Variants in TES observed in about 807,000 individuals in gnomAD.
The protein encoded by TES is testin.
In TES, 41 loss-of-function variants were observed where a neutral mutation model predicts 48.2. The ratio of observed to expected loss-of-function variants is 0.85; its 90% CI spans 0.66 to 1.10. The LOEUF (loss-of-function observed/expected upper bound fraction) is 1.10. Ranked by LOEUF, TES falls within the 50% of genes least tolerant of loss-of-function variation. TES has a pLI of 0.00. For missense variants in TES, 463 were observed against 515.1 expected (o/e 0.90, Z 0.98); for synonymous variants, 162 against 174.9 (o/e 0.93, Z 0.58).
At chr7:116,256,011 C>T (rs1195217465) in intron 6 of TES, among the ~76,000 whole-genome samples, 1 of 152,092 alleles carries the variant, frequency 6.6e-6, no homozygotes, top group Non-Finnish European at 1.5e-5. Context: ...TGCAGCTGCA[C>T]ATTAGAAATG....
At chr7:116,246,692 T>C (rs1192965718) in intron 2 of TES, among the ~76,000 whole-genome samples, 2 of 152,154 alleles carry the variant, frequency 1.3e-5, no homozygotes, top group African/African-American at 2.4e-5. Context: ...TTCTTTCCTT[T>C]TCTCCTCCCC....
intron 1 of TES, among the ~76,000 whole-genome samples, chr7:116,221,843 A>G (rs1563005743): frequency 6.6e-6 from 1 of 152,180 alleles, no homozygotes; most frequent in East Asian, 1.9e-4. Context: ...CTGCAATTTT[A>G]TCTTAGTTGT....
At position 116,257,371 on chromosome 7, in the gene TES, C is replaced by A. The variant is rs1330016365; in HGVS notation, c.1155C>A (p.Ser385=). 1 of 1,613,990 alleles carries A rather than the reference C, an allele frequency of 6.2e-7. No individual in the cohort carries two copies. The highest frequency in any genetic ancestry group is 1.7e-5 in the Admixed American group (1 of 59,996). The change falls in exon 7 of 7, where the codon TCC becomes TCA. Residue 385 remains serine, a synonymous_variant. Coordinates refer to ENST00000358204, the MANE Select transcript of TES (RefSeq NM_015641.4). ...VTYNNFSWHA[S]TECFLCSCCS... is the part of the protein sequence containing the mutation. ...ATAACAATTTCAGCTGGCATGCATC[C>A]ACAGAGTGCTTTCTGTGCTCTTGCT...
rs560744738 is a variant in TES, at chr7:116,222,215, C to T, written c.27+11481C>T. On this transcript the variant is annotated intron_variant, in intron 1 of 6. Transcript: ENST00000358204. Reference sequence around the variant, plus strand: ...CAAGACCCCTCTCCTTGCTATAAGACTTTGTTTTTGTTCTAAATGCCTGTG... The same window carrying T: ...CAAGACCCCTCTCCTTGCTATAAGATTTTGTTTTTGTTCTAAATGCCTGTG... Among the ~76,000 whole-genome samples, 11 of 152,236 alleles carry T rather than the reference C, an allele frequency of 7.2e-5. No homozygotes were observed. The East Asian group carries it at 1.7e-3, about 24-fold the overall frequency.
intron 1 of TES, among the ~76,000 whole-genome samples, chr7:116,215,580 T>C (rs1236724906): frequency 2.0e-5 from 3 of 152,190 alleles, no homozygotes; most frequent in Admixed American, 2.0e-4. Context: ...CTGTACCTTA[T>C]CTTCTAAGAT....
intron 2 of TES, chr7:116,238,245 T>C (rs1348130944): frequency 1.3e-5 from 2 of 152,186 alleles, no homozygotes; most frequent in African/African-American, 4.8e-5. Context: ...TTCTGGGAAA[T>C]AGCACAGAGT....
At chr7:116,234,441 A>T in intron 1 of TES, 93 bp from the exon 2 acceptor site, 2 of 1,085,382 alleles carry the variant, frequency 1.8e-6, no homozygotes, top group Non-Finnish European at 2.8e-6. Flanking sequence ...TTATCTCAAC[A>T]CAAGTGGTAA....
chr7:116,217,783 G>A lies in TES; in HGVS notation c.27+7049G>A, dbSNP rs187414463. 4 of 518,234 alleles carry A rather than the reference G, an allele frequency of 7.7e-6. No homozygotes were observed. The Admixed American group carries it at 7.8e-5, about 10-fold the overall frequency. 32.1% of individuals were successfully genotyped at this position (518,234 alleles called of 1,614,324 possible). ...TTAGAGGATTAAATTTAGAGGTTAT[G>A]CTTTTCAACTGCCCAACTACAATCT... On this transcript the variant is annotated intron_variant, in intron 1 of 6. Coordinates refer to ENST00000358204, the MANE Select transcript of TES (RefSeq NM_015641.4).
intron 6 of TES, among the ~76,000 whole-genome samples, chr7:116,253,837 A>G (rs560912336): frequency 7.2e-5 from 11 of 151,868 alleles, no homozygotes; most frequent in African/African-American, 1.7e-4. Flanking sequence ...CATGTTCCCA[A>G]TGGTGTGTGT....
chr7:116,235,541 GATCTT>G lies in TES; in HGVS notation c.113+928_113+932del, dbSNP rs375008210. Among the ~76,000 whole-genome samples, 45 of 152,202 alleles carry G rather than the reference GATCTT, an allele frequency of 3.0e-4. No individual in the cohort carries two copies. In the East Asian group the frequency reaches 5.8e-3, roughly 20 times the overall value. On this transcript the variant is annotated intron_variant, in intron 2 of 6. Coordinates refer to ENST00000358204, the MANE Select transcript of TES (RefSeq NM_015641.4). ...GAGTCAAAAATGTGAATTTTCTATAGATCTTATCTTTAGGTTGTTTTGAAAGTACT... is the reference window on the plus strand; with the variant it reads ...GAGTCAAAAATGTGAATTTTCTATAGATCTTTAGGTTGTTTTGAAAGTACT...
Position 116,257,688 on chromosome 7 carries a change from A to G in TES, c.*206A>G. 2.2e-6 allele frequency: 1 copy of G among 450,920 alleles called. No individual in the cohort carries two copies. Among genetic ancestry groups the G allele is most frequent in the East Asian group, 3.7e-5 (1 of 27,236 alleles). 27.9% of individuals were successfully genotyped at this position (450,920 alleles called of 1,614,324 possible). A position where few individuals can be genotyped will look rare whatever the true frequency, so the allele number is the denominator to read the frequency against. ...ACTTGGTTTAAGCATTTGATTTGTA[A>G]AACAGTAAATAATTGTATCTTTCCA... is the stretch of plus-strand genomic sequence containing the variant. On this transcript the variant is annotated 3_prime_UTR_variant, in exon 7 of 7. Transcript: ENST00000358204.
chr7:116,214,237 T>C (rs534723089), intron 1 of TES, among the ~76,000 whole-genome samples: 1 of 152,332 alleles, frequency 6.6e-6, no homozygotes, highest in South Asian at 2.1e-4. Context: ...AAACTTGTTT[T>C]CAAAACCTTT....
intron 1 of TES, among the ~76,000 whole-genome samples, chr7:116,226,730 A>G (rs541910624): frequency 7.9e-5 from 12 of 152,332 alleles, no homozygotes; most frequent in African/African-American, 2.6e-4. Flanking sequence ...TCGAGTGCAG[A>G]TGAGGGAGCA....
At position 116,249,053 on chromosome 7, in the gene TES, A is replaced by G; in HGVS notation, c.147A>G (p.Glu49=). The G allele has an allele frequency of 1.2e-6, 2 of 1,609,464 alleles. No homozygotes were observed. The highest frequency in any genetic ancestry group is 2.7e-5 in the African/African-American group (2 of 74,884). Residue 49 remains glutamate (E), a synonymous_variant, in exon 3 of 7, where the codon GAA becomes GAG. Coordinates refer to ENST00000358204, the MANE Select transcript of TES (RefSeq NM_015641.4). ...GTCGTAACTGCAAGTGTGGCCAAGA[A>G]GAGCATGATGTCCTCTTGAGCAATG... ...KICRNCKCGQ[E]EHDVLLSNEE...
Position 116,210,615 on chromosome 7 carries a change from G to A in TES, c.-93G>A. On this transcript the variant is annotated 5_prime_UTR_variant, in exon 1 of 7. Transcript: ENST00000358204. ...TGAGCGGCGCCGCGGGAGTTCCGCA[G>A]GTTTCCCGTGTTCGCAGCGGAGCCG... The A allele has an allele frequency of 1.6e-6, 2 of 1,247,836 alleles. No homozygotes were observed. The highest frequency in any genetic ancestry group is 2.0e-6 in the Non-Finnish European group (2 of 976,080). The allele number at this position is 1,247,836 out of a possible 1,614,324, so 77.3% of individuals were successfully genotyped here. A position where few individuals can be genotyped will look rare whatever the true frequency, so the allele number is the denominator to read the frequency against.
intron 1 of TES, among the ~76,000 whole-genome samples, chr7:116,215,988 G>T (rs1158226123): frequency 6.6e-6 from 1 of 152,132 alleles, no homozygotes. Context: ...CTGAGAAGCT[G>T]TGGGAAACAC....
rs374643074 is a variant in TES, at chr7:116,251,930, A to G, written c.873A>G (p.Arg291=). ...FWKNEKLYCG[R]HYCDSEKPRC... is the part of the protein sequence containing the mutation. ...AGAATGAGAAGCTATACTGTGGCAGACATTACTGTGACAGCGAGAAACCCC... is the reference window on the plus strand; with the variant it reads ...AGAATGAGAAGCTATACTGTGGCAGGCATTACTGTGACAGCGAGAAACCCC... The change falls in exon 5 of 7, where the codon AGA becomes AGG. Residue 291 remains arginine, a synonymous_variant. Coordinates refer to ENST00000358204, the MANE Select transcript of TES (RefSeq NM_015641.4). The G allele has an allele frequency of 6.2e-7, 1 of 1,614,172 alleles. No homozygotes were observed. The highest frequency in any genetic ancestry group is 8.5e-7 in the Non-Finnish European group (1 of 1,180,020).
intron 1 of TES, chr7:116,222,748 A>T (rs933549878): frequency 1.3e-5 from 2 of 152,790 alleles, no homozygotes; most frequent in African/African-American, 4.8e-5. Flanking sequence ...AGATTCTTTT[A>T]TGGAACTCCT....
intron 6 of TES, among the ~76,000 whole-genome samples, chr7:116,253,273 G>T (rs146933389): frequency 6.6e-6 from 1 of 152,158 alleles, no homozygotes; most frequent in African/African-American, 2.4e-5. Flanking sequence ...TAAGAGTGTG[G>T]TACTGTGAAG....
Sources: gnomAD v4.1 joint callset for allele counts (sites outside exome capture counted in the v4.1 genomes callset) on GRCh38, gnomAD v4.1.1 for gene constraint, MANE v1.5 for transcripts, NCBI Gene and HGNC (gene_info 2026-07-23, HGNC 2026-07-21) for gene names.